The following RFX1 variants were observed in gnomAD, a reference collection of about 807,000 sequenced individuals.
RFX1 encodes the protein regulatory factor X1, also known as MHC class II regulatory factor RFX1.
RFX1 carries 42 observed loss-of-function variants against 119.6 expected under a neutral mutation model. The observed-to-expected ratio is 0.35, with a 90% CI of 0.27 to 0.45. The LOEUF (loss-of-function observed/expected upper bound fraction) is 0.45, where lower values mean the gene tolerates loss of function less well. Ranked by LOEUF, RFX1 falls within the 20% of genes least tolerant of loss-of-function variation. The pLI is 1.00. For missense variants in RFX1, 1,118 were observed against 1,368.1 expected, an observed-to-expected ratio of 0.82 and a Z score of 2.88; for synonymous variants, 628 against 618.5, an observed-to-expected ratio of 1.02 and a Z score of -0.23.
intron 1 of RFX1, among the ~76,000 whole-genome samples, chr19:13,994,934 ATAT>A (rs1974956588): frequency 1.1e-4 from 13 of 116,602 alleles, no homozygotes; most frequent in East Asian, 7.5e-4. Context: ...ATATATATAT[ATAT>A]AATCATTTTT....
At chr19:13,976,958 T>C (rs1185322161) in intron 8 of RFX1, among the ~76,000 whole-genome samples, 4 of 150,122 alleles carry the variant, frequency 2.7e-5, no homozygotes, top group African/African-American at 9.8e-5. Context: ...ATCGCGCCAC[T>C]GCTCTCTGGC....
Position 13,968,805 on chromosome 19 carries a change from A to G in RFX1, c.1586T>C (p.Met529Thr), listed in dbSNP as rs1239873615. ...CTTCTGCGAGAAGGGCTGGCCCCGC[A>G]TGGCCATGTGCTGCTGGTCCTCCAT... is the stretch of plus-strand genomic sequence containing the variant. The part of the protein sequence containing the change: ...RLMEDQQHMA[M>T]RGQPFSQKQR... The change falls in exon 11 of 21, where the codon ATG becomes ACG. Residue 529 changes from methionine (M) to threonine (T), a missense_variant. Physicochemically the swap from Met to Thr is moderately conservative, Grantham distance 81. This residue lies in a region of RFX1 where 338 missense variants were observed against 508.9 expected (regional missense o/e 0.66). Coordinates refer to ENST00000254325, the MANE Select transcript of RFX1 (RefSeq NM_002918.5). The surrounding 1 kb of genome is among the most constrained non-coding windows in gnomAD (Gnocchi z 5.5). 2 of 1,573,770 alleles carry G rather than the reference A, an allele frequency of 1.3e-6. No homozygotes were observed. The highest frequency in any genetic ancestry group is 1.7e-6 in the Non-Finnish European group (2 of 1,159,718).
In RFX1 at chr19:13,993,735, C is replaced by T; in HGVS notation, c.109G>A (p.Ala37Thr). 2 of 1,588,498 alleles carry T rather than the reference C, an allele frequency of 1.3e-6. No homozygotes were observed. Among genetic ancestry groups the T allele is most frequent in the African/African-American group, 1.4e-5 (1 of 73,898 alleles). ...PQPPPPPPPAAPQPPQPPTAA... is the reference protein window; with the variant it reads ...PQPPPPPPPATPQPPQPPTAA... ...GTGGGTGGCTGCGGGGGCTGGGGTG[C>T]CGCTGGGGGTGGTGGCGGTGGCGGC... Residue 37 changes from alanine to threonine, a missense_variant, in exon 2 of 21, where the codon GCA becomes ACA. Around this residue, in one of 5 missense-constraint regions of RFX1, gnomAD observed 542 missense variants for 602.7 expected, o/e 0.90. Transcript: ENST00000254325.
chr19:13,975,856 C>G (rs754120232), intron 8 of RFX1, among the ~76,000 whole-genome samples: 2 of 152,224 alleles, frequency 1.3e-5, no homozygotes, highest in Non-Finnish European at 2.9e-5. Flanking sequence ...CGCAGTAATT[C>G]ACTCAGAGGG....
chr19:13,966,510 C>T lies in RFX1; in HGVS notation c.1872G>A (p.Val624=), dbSNP rs376871176. The part of the protein sequence containing the change: ...EHCEAIVDVM[V]NLQFTLVETL... The stretch of plus-strand genomic sequence containing the variant: ...TCTCCACCAGGGTGAACTGCAGGTT[C>T]ACCATGACGTCGACAATGGCCTGTG... The change falls in exon 14 of 21, where the codon GTG becomes GTA. Residue 624 remains valine (V), a synonymous_variant. Coordinates refer to ENST00000254325, the MANE Select transcript of RFX1 (RefSeq NM_002918.5). This position sits in a 1 kb window ranked among gnomAD's most constrained non-coding sequence, Gnocchi z 6.3. 13 of 1,579,802 alleles carry T rather than the reference C, an allele frequency of 8.2e-6. No homozygotes were observed. In the Admixed American group the frequency reaches 1.8e-4, roughly 22 times the overall value.
intron 1 of RFX1, among the ~76,000 whole-genome samples, chr19:13,999,390 C>T (rs1010417318): frequency 1.3e-4 from 20 of 152,162 alleles, no homozygotes; most frequent in African/African-American, 4.8e-4. Flanking sequence ...AAGGGCCAAG[C>T]AGTAAACGTT....
intron 7 of RFX1, among the ~76,000 whole-genome samples, chr19:13,979,170 G>A (rs910261084): frequency 4.6e-5 from 7 of 152,188 alleles, no homozygotes; most frequent in Non-Finnish European, 8.8e-5. Context: ...GAGCGCGCAC[G>A]CAGCCACCCG....
chr19:13,994,918 AT>A, intron 1 of RFX1, among the ~76,000 whole-genome samples: 1 of 94,376 alleles, frequency 1.1e-5, no homozygotes, highest in African/African-American at 3.7e-5. Flanking sequence ...ATATATATAT[AT>A]ATATATATAT....
Position 13,965,399 on chromosome 19 carries a change from G to A in RFX1, c.2211+50C>T, listed in dbSNP as rs769411085. The A allele has an allele frequency of 3.4e-5, 52 of 1,519,990 alleles. No individual in the cohort carries two copies. The East Asian group carries it at 6.8e-4, about 20-fold the overall frequency. 94.2% of individuals were successfully genotyped at this position (1,519,990 alleles called of 1,614,324 possible). ...ACCGCCCCTGGGGAGCAGAGGAGAC[G>A]GAGGCCTAAGCCCCAGAGATAGGAG... On this transcript the variant is annotated intron_variant, in intron 16 of 20. Coordinates refer to ENST00000254325, the MANE Select transcript of RFX1 (RefSeq NM_002918.5). The surrounding 1 kb of genome is among the most constrained non-coding windows in gnomAD (Gnocchi z 4.7).
chr19:13,995,851 CAAAA>C (rs57542235), intron 1 of RFX1, among the ~76,000 whole-genome samples: 2 of 35,630 alleles, frequency 5.6e-5, no homozygotes, highest in Non-Finnish European at 1.4e-4. Flanking sequence ...ACTCTGTCTC[CAAAA>C]AAAAAAAAAA....
intron 7 of RFX1, among the ~76,000 whole-genome samples, chr19:13,978,583 G>C (rs1974327449): frequency 6.6e-6 from 1 of 152,174 alleles, no homozygotes; most frequent in Non-Finnish European, 1.5e-5. Flanking sequence ...CAGGGGCGGA[G>C]CTGGGACCTG....
chr19:13,964,120 G>T, intron 16 of RFX1, 113 bp from the exon 17 acceptor site: 1 of 1,171,964 alleles, frequency 8.5e-7, no homozygotes, highest in Non-Finnish European at 1.2e-6. Flanking sequence ...AAAAAAGGAG[G>T]GATGTGCCTC....
chr19:13,969,937 G>GGGGGGGGGGGGGGCCCC lies in RFX1; in HGVS notation c.1496+56_1496+57insGGGGCCCCCCCCCCCCC. Reference sequence around the variant, plus strand: ...CTGAGATGACTCGGAGTGGGGGTGGGCCTTGGCATGCCCACCAATTCCCCA... The same window carrying GGGGGGGGGGGGGGCCCC: ...CTGAGATGACTCGGAGTGGGGGTGGGGGGGGGGGGGGGGCCCCCCTTGGCATGCCCACCAATTCCCCA... On this transcript the variant is annotated intron_variant, in intron 10 of 20. Coordinates refer to ENST00000254325, the MANE Select transcript of RFX1 (RefSeq NM_002918.5). The surrounding 1 kb of genome is among the most constrained non-coding windows in gnomAD (Gnocchi z 4.5). 6.6e-7 allele frequency: 1 copy of GGGGGGGGGGGGGGCCCC among 1,526,562 alleles called. No individual in the cohort carries two copies. Among genetic ancestry groups the GGGGGGGGGGGGGGCCCC allele is most frequent in the Non-Finnish European group, 8.9e-7 (1 of 1,128,080 alleles). 94.6% of individuals were successfully genotyped at this position (1,526,562 alleles called of 1,614,324 possible). A position where few individuals can be genotyped will look rare whatever the true frequency, so the allele number is the denominator to read the frequency against.
Position 13,985,182 on chromosome 19 carries a change from AT to A in RFX1, c.320-1588del, listed in dbSNP as rs780022188. ...TGGCTGACAGTAAGAGCTTTCCGGG[AT>A]TTTTTTTTTTTTTTGAGACAGGGTC... On this transcript the variant is annotated intron_variant, in intron 2 of 20. Transcript: ENST00000254325. This position sits in a 1 kb window ranked among gnomAD's most constrained non-coding sequence, Gnocchi z 4.3. Among the ~76,000 whole-genome samples, 501 of 121,052 alleles carry A rather than the reference AT, an allele frequency of 4.1e-3. No individual in the cohort carries two copies. The highest frequency in any genetic ancestry group is 0.014 in the Middle Eastern group (2 of 148). 79.4% of individuals were successfully genotyped at this position (121,052 alleles called of 152,430 possible). A position where few individuals can be genotyped will look rare whatever the true frequency, so the allele number is the denominator to read the frequency against.
intron 1 of RFX1, among the ~76,000 whole-genome samples, chr19:13,997,451 G>A (rs1975074907): frequency 6.6e-6 from 1 of 152,256 alleles, no homozygotes; most frequent in Non-Finnish European, 1.5e-5. Context: ...GATCCTGTGG[G>A]CAGTGTGTGG....
intron 1 of RFX1, among the ~76,000 whole-genome samples, chr19:13,996,804 C>T (rs1400719305): frequency 2.7e-5 from 4 of 148,720 alleles, no homozygotes; most frequent in African/African-American, 1.0e-4. Flanking sequence ...CTCACTGCAA[C>T]CTCTGCCCCC....
At position 13,983,493 on chromosome 19, in the gene RFX1, G is replaced by T; in HGVS notation, c.422C>A (p.Thr141Asn). ...GGGAGGGCCACATCCTACCTGCTGG[G>T]TGCCCTGCACCTGCTGAACCACCTG... ...PTQVVQQVQG[T>N]QQRLLVQTSV... is the part of the protein sequence containing the mutation. Residue 141 changes from threonine (T) to asparagine (N), a missense_variant, in exon 3 of 21, where the codon ACC (threonine) becomes AAC (asparagine). Coordinates refer to ENST00000254325, the MANE Select transcript of RFX1 (RefSeq NM_002918.5). 6.2e-7 allele frequency: 1 copy of T among 1,606,686 alleles called. No individual in the cohort carries two copies. Among genetic ancestry groups the T allele is most frequent in the Non-Finnish European group, 8.5e-7 (1 of 1,177,766 alleles).
chr19:13,994,027 C>T (rs1974903491), intron 1 of RFX1, 132 bp from the exon 2 acceptor site: 1 of 610,670 alleles, frequency 1.6e-6, no homozygotes, highest in African/African-American at 1.9e-5. Context: ...GGGTTCATCA[C>T]TAACTTAATT....
chr19:13,984,131 G>A (rs1451381197), intron 2 of RFX1, among the ~76,000 whole-genome samples: 1 of 152,154 alleles, frequency 6.6e-6, no homozygotes, highest in Admixed American at 6.5e-5. Flanking sequence ...GGACCACAAG[G>A]GGCTTGGAGT....
Sources: allele counts gnomAD v4.1 joint callset (sites outside exome capture counted in the v4.1 genomes callset), GRCh38; gene constraint gnomAD v4.1.1; regional missense constraint gnomAD v4.1.1; non-coding constraint Gnocchi (gnomAD v3.1); transcripts MANE v1.5; gene names NCBI Gene and HGNC (gene_info 2026-07-23, HGNC 2026-07-21).